The following CUX2 variants were observed in gnomAD, a reference collection of about 807,000 sequenced individuals.
CUX2 encodes homeobox protein cut-like 2.
CUX2 carries 40 observed loss-of-function variants against 144.8 expected under a neutral mutation model. The ratio of observed to expected loss-of-function variants is 0.28; its 90% CI spans 0.21 to 0.36. The LOEUF (loss-of-function observed/expected upper bound fraction) is 0.36, where lower values mean the gene tolerates loss of function less well. Among genes scored for constraint, CUX2 ranks in the 10% least tolerant of loss-of-function variants. CUX2 has a pLI of 1.00. For missense variants in CUX2, 1,615 were observed against 1,994.0 expected (o/e 0.81, Z 3.62); for synonymous variants, 827 against 875.6 (o/e 0.94, Z 0.98).
chr12:111,187,455 A>C (rs557615536), intron 1 of CUX2, among the ~76,000 whole-genome samples: 3 of 149,890 alleles, frequency 2.0e-5, no homozygotes, highest in African/African-American at 7.4e-5. Context: ...GCAGCTCTCT[A>C]CCACCACCTC....
At chr12:111,167,821 A>C (rs1437096035) in intron 1 of CUX2, among the ~76,000 whole-genome samples, 1 of 151,928 alleles carries the variant, frequency 6.6e-6, no homozygotes, top group Non-Finnish European at 1.5e-5. Context: ...CAGCCTTCTG[A>C]GTAGCTGGAA....
intron 1 of CUX2, among the ~76,000 whole-genome samples, chr12:111,155,554 T>C (rs1331856017): frequency 6.6e-6 from 1 of 152,178 alleles, no homozygotes; most frequent in Non-Finnish European, 1.5e-5. Context: ...GGAAAATTCC[T>C]CTGAGCATTG....
intron 1 of CUX2, among the ~76,000 whole-genome samples, chr12:111,193,171 G>A (rs1438396547): frequency 6.6e-6 from 1 of 152,148 alleles, no homozygotes; most frequent in Non-Finnish European, 1.5e-5. Flanking sequence ...TTCAAGGGAG[G>A]AAAGAGCGAC....
At chr12:111,330,720 T>C (rs868776827) in intron 18 of CUX2, among the ~76,000 whole-genome samples, 1,032 of 49,796 alleles carry the variant, frequency 0.021, 106 homozygotes, top group African/African-American at 0.1. Context: ...TATATATATA[T>C]ATATATATAT....
rs751670871 is a variant in CUX2, at chr12:111,291,474, A to C, written c.358A>C (p.Ser120Arg). ...CCTAGACGACAGACTGCAGCCCCCC[A>C]GCTTTGACCCCAGTGGGCAGCCCCG... ...RSLDDRLQPP[S>R]FDPSGQPRRD... is the part of the protein sequence containing the mutation. The change falls in exon 5 of 22, where the codon AGC becomes CGC. Residue 120 changes from serine (S) to arginine (R), a missense_variant. Ser to Arg is a moderately radical substitution (Grantham distance 110). Transcript: ENST00000261726. The C allele has an allele frequency of 5.6e-6, 9 of 1,612,620 alleles. No homozygotes were observed. The South Asian group carries it at 9.9e-5, about 18-fold the overall frequency.
rs77552934 is a variant in CUX2, at chr12:111,154,532, C to T, written c.64-59668C>T. ...CGTGGAAGAATAATTTATCCATGCC[C>T]CCAGACAAGGAAATTGCAAAATATT... On this transcript the variant is annotated intron_variant, in intron 1 of 21. Coordinates refer to ENST00000261726, the MANE Select transcript of CUX2 (RefSeq NM_015267.4). Among the ~76,000 whole-genome samples, 434 of 152,240 alleles carry T rather than the reference C, an allele frequency of 2.9e-3. 3 individuals are homozygous for T. Among genetic ancestry groups the T allele is most frequent in the African/African-American group, 1.0e-2 (415 of 41,528 alleles).
At chr12:111,264,452 G>A (rs1884280562) in intron 4 of CUX2, among the ~76,000 whole-genome samples, 1 of 152,220 alleles carries the variant, frequency 6.6e-6, no homozygotes, top group East Asian at 1.9e-4. Flanking sequence ...AAGGCATGGA[G>A]GGCCGGGTAC....
rs1467075463 is a variant in CUX2 at position 111,330,716 on chromosome 12, T to TAC, written c.2927-3724_2927-3723insCA. On this transcript the variant is annotated intron_variant, in intron 18 of 21. Transcript: ENST00000261726. ...ATATATATATATATATATATATATA[T>TAC]ATATATATATATATATATATATATA... Among the ~76,000 whole-genome samples the TAC allele has an allele frequency of 1.3e-3, 48 of 36,962 alleles. 3 individuals are homozygous for TAC. Among genetic ancestry groups the TAC allele is most frequent in the African/African-American group, 6.4e-3 (45 of 7,010 alleles). 24.2% of individuals were successfully genotyped at this position (36,962 alleles called of 152,430 possible).
chr12:111,324,093 G>A (rs1887660532), intron 18 of CUX2, among the ~76,000 whole-genome samples: 1 of 152,028 alleles, frequency 6.6e-6, no homozygotes, highest in Non-Finnish European at 1.5e-5. Flanking sequence ...GCTCACACCT[G>A]TAATCCCAGC....
At chr12:111,097,535 C>T (rs1436381307) in intron 1 of CUX2, among the ~76,000 whole-genome samples, 2 of 152,184 alleles carry the variant, frequency 1.3e-5, no homozygotes, top group Non-Finnish European at 2.9e-5. Flanking sequence ...TGATATTAAT[C>T]ACAGCAGCAA....
chr12:111,183,019 G>A (rs1326623627), intron 1 of CUX2, among the ~76,000 whole-genome samples: 1 of 152,184 alleles, frequency 6.6e-6, no homozygotes, highest in Non-Finnish European at 1.5e-5. Flanking sequence ...TTGGGAGGAG[G>A]TTATAATTCT....
intron 1 of CUX2, among the ~76,000 whole-genome samples, chr12:111,103,709 G>A (rs916134912): frequency 6.6e-6 from 1 of 152,186 alleles, no homozygotes; most frequent in Admixed American, 6.5e-5. Context: ...AAACTTATCT[G>A]GAGTCAACTT....
At chr12:111,342,491 T>A (rs1200979297) in intron 21 of CUX2, among the ~76,000 whole-genome samples, 2 of 148,690 alleles carry the variant, frequency 1.3e-5, no homozygotes. Context: ...AAAAAAAAAA[T>A]TTAAAACACA....
intron 1 of CUX2, among the ~76,000 whole-genome samples, chr12:111,090,583 C>T (rs1480988209): frequency 6.6e-6 from 1 of 152,066 alleles, no homozygotes; most frequent in Non-Finnish European, 1.5e-5. Flanking sequence ...CTTTACTACA[C>T]TATTCTTTGG....
intron 3 of CUX2, among the ~76,000 whole-genome samples, chr12:111,222,373 C>A (rs930027900): frequency 4.6e-5 from 7 of 152,198 alleles, no homozygotes; most frequent in Non-Finnish European, 1.0e-4. Flanking sequence ...AGCGCGTGTG[C>A]ACTGTCCCAG....
intron 9 of CUX2, among the ~76,000 whole-genome samples, chr12:111,301,688 A>C (rs1886303122): frequency 6.6e-6 from 1 of 152,132 alleles, no homozygotes; most frequent in South Asian, 2.1e-4. Flanking sequence ...TGCTGTTGTC[A>C]AGATGGTATC....
intron 1 of CUX2, among the ~76,000 whole-genome samples, chr12:111,125,823 G>A (rs1875024046): frequency 6.6e-6 from 1 of 152,176 alleles, no homozygotes; most frequent in South Asian, 2.1e-4. Flanking sequence ...TTGCCAGACA[G>A]GAGTGCAAGC....
chr12:111,158,482 A>AT (rs1423314654), intron 1 of CUX2, among the ~76,000 whole-genome samples: 1 of 150,784 alleles, frequency 6.6e-6, no homozygotes, highest in Non-Finnish European at 1.5e-5. Flanking sequence ...TAAAAAAAAA[A>AT]AAAAAAGCTC....
At chr12:111,185,118 A>C (rs1879445347) in intron 1 of CUX2, among the ~76,000 whole-genome samples, 1 of 152,234 alleles carries the variant, frequency 6.6e-6, no homozygotes, top group Non-Finnish European at 1.5e-5. Flanking sequence ...AGTAAAACAA[A>C]GGAAAGAAAG....
Sources: gnomAD v4.1 joint callset for allele counts (sites outside exome capture counted in the v4.1 genomes callset) on GRCh38, gnomAD v4.1.1 for gene constraint, MANE v1.5 for transcripts, NCBI Gene and HGNC (gene_info 2026-07-23, HGNC 2026-07-21) for gene names.